PTPRQ: variants seen among roughly 807,000 people sequenced by gnomAD.
PTPRQ encodes phosphatidylinositol phosphatase PTPRQ.
Under a neutral mutation model 246.0 loss-of-function variants are expected in PTPRQ, and 199 were observed. That is an observed-to-expected ratio of 0.81 (90% CI 0.72 to 0.91). The LOEUF is 0.91. Among genes scored for constraint, PTPRQ ranks in the 40% least tolerant of loss-of-function variants. The pLI is 0.00. For missense variants in PTPRQ, 2,624 were observed against 2,528.4 expected (o/e 1.04, Z -0.81); for synonymous variants, 869 against 853.2 (o/e 1.02, Z -0.32).
intron 35 of PTPRQ, among the ~76,000 whole-genome samples, chr12:80,645,653 G>T (rs1042038420): frequency 7.9e-5 from 12 of 151,782 alleles, no homozygotes; most frequent in African/African-American, 2.4e-4. Flanking sequence ...AAGATGATTT[G>T]TCCTTGGAAA....
At position 80,679,180 on chromosome 12, in the gene PTPRQ, T is replaced by A; in HGVS notation, c.*157T>A. 1 of 767,282 alleles carries A rather than the reference T, an allele frequency of 1.3e-6. No homozygotes were observed. Among genetic ancestry groups the A allele is most frequent in the Non-Finnish European group, 1.9e-6 (1 of 525,274 alleles). The allele number at this position is 767,282 out of a possible 1,614,324, so 47.5% of individuals were successfully genotyped here. A position where few individuals can be genotyped will look rare whatever the true frequency, so the allele number is the denominator to read the frequency against. On this transcript the variant is annotated 3_prime_UTR_variant, in exon 45 of 45. Coordinates refer to ENST00000644991, the MANE Select transcript of PTPRQ (RefSeq NM_001145026.2). ...ACGGATTGAACATTTTAAGACTAGT[T>A]CTTGAAAATAGCTAATACAGAATAA... is the stretch of plus-strand genomic sequence containing the variant.
rs781441878 is a variant in PTPRQ, at chr12:80,620,141, T to C, written c.5390-13T>C. The C allele has an allele frequency of 4.6e-6, 7 of 1,526,724 alleles. No individual in the cohort carries two copies. The highest frequency in any genetic ancestry group is 5.3e-6 in the Non-Finnish European group (6 of 1,137,504). 94.6% of individuals were successfully genotyped at this position (1,526,724 alleles called of 1,614,324 possible). ...TTACTTGGAATTATTGTTCTCTTTG[T>C]TTCTGAAAACAGCTCAGCATGATGG... On this transcript the variant is annotated splice_polypyrimidine_tract_variant and intron_variant, in intron 31 of 44. Transcript: ENST00000644991.
At chr12:80,554,447 G>A (rs1357819738) in intron 25 of PTPRQ, among the ~76,000 whole-genome samples, 2 of 152,072 alleles carry the variant, frequency 1.3e-5, no homozygotes, top group African/African-American at 4.8e-5. Flanking sequence ...GGTCTTTTGT[G>A]GAAGATAATT....
At chr12:80,473,947 C>T (rs899147966) in intron 8 of PTPRQ, among the ~76,000 whole-genome samples, 1 of 152,222 alleles carries the variant, frequency 6.6e-6, no homozygotes, top group Non-Finnish European at 1.5e-5. Context: ...CTCCTGGCAA[C>T]TGGTGGGTTC....
intron 30 of PTPRQ, among the ~76,000 whole-genome samples, chr12:80,617,476 A>G (rs1312007950): frequency 6.6e-6 from 1 of 151,500 alleles, no homozygotes; most frequent in Non-Finnish European, 1.5e-5. Flanking sequence ...TCACAAAATG[A>G]CTTCACAAAG....
chr12:80,573,885 T>C lies in PTPRQ; in HGVS notation c.4286-14244T>C, dbSNP rs531561421. Among the ~76,000 whole-genome samples the C allele has an allele frequency of 2.6e-5, 4 of 152,332 alleles. 1 individual carries two copies. Among genetic ancestry groups the C allele is most frequent in the African/African-American group, 9.6e-5 (4 of 41,588 alleles). ...ATGATTTTCTTGCTTCTAAATATTTTGCCATAAGGTTCTATGTATTAGTTC... is the reference window on the plus strand; with the variant it reads ...ATGATTTTCTTGCTTCTAAATATTTCGCCATAAGGTTCTATGTATTAGTTC... On this transcript the variant is annotated intron_variant, in intron 25 of 44. Coordinates refer to ENST00000644991, the MANE Select transcript of PTPRQ (RefSeq NM_001145026.2).
intron 17 of PTPRQ, among the ~76,000 whole-genome samples, chr12:80,517,683 T>A: frequency 6.6e-6 from 1 of 151,026 alleles, no homozygotes; most frequent in Admixed American, 6.6e-5. Context: ...CTGGTAACCA[T>A]GCTTCTACTC....
intron 39 of PTPRQ, among the ~76,000 whole-genome samples, chr12:80,666,285 G>A (rs1320294192): frequency 6.6e-6 from 1 of 151,996 alleles, no homozygotes; most frequent in Non-Finnish European, 1.5e-5. Flanking sequence ...TGAGCTTGGA[G>A]AACATTATGA....
intron 35 of PTPRQ, among the ~76,000 whole-genome samples, chr12:80,642,656 C>T (rs938724468): frequency 6.6e-6 from 1 of 152,004 alleles, no homozygotes; most frequent in Non-Finnish European, 1.5e-5. Context: ...CGCGGTGGCT[C>T]ACGCCTGTAA....
At chr12:80,563,711 C>G (rs968536765) in intron 25 of PTPRQ, among the ~76,000 whole-genome samples, 2 of 152,132 alleles carry the variant, frequency 1.3e-5, no homozygotes, top group African/African-American at 4.8e-5. Flanking sequence ...TAAGTCTCCA[C>G]TGGGATCACC....
intron 8 of PTPRQ, among the ~76,000 whole-genome samples, chr12:80,483,693 TCATCTACATTAGGTA>T (rs11272985): frequency 0.066 from 9,997 of 151,850 alleles, 841 homozygotes; most frequent in African/African-American, 0.19. Flanking sequence ...CATCAAAGTG[TCATCTACATTAGGTA>T]CTTCTCCTAA....
intron 39 of PTPRQ, among the ~76,000 whole-genome samples, chr12:80,664,268 C>T (rs1900719089): frequency 6.6e-6 from 1 of 152,000 alleles, no homozygotes; most frequent in African/African-American, 2.4e-5. Context: ...ACACTATATT[C>T]CTCATTTTCA....
chr12:80,623,528 C>T (rs1366355956), intron 33 of PTPRQ, among the ~76,000 whole-genome samples: 1 of 152,066 alleles, frequency 6.6e-6, no homozygotes, highest in Non-Finnish European at 1.5e-5. Context: ...AAATAAATGT[C>T]TTCTTGTCAT....
chr12:80,560,801 C>T (rs369224879), intron 25 of PTPRQ, among the ~76,000 whole-genome samples: 6 of 151,946 alleles, frequency 3.9e-5, no homozygotes, highest in African/African-American at 1.5e-4. Context: ...TATAGGATAC[C>T]CTGTTTATTG....
chr12:80,581,247 A>G (rs192900962), intron 25 of PTPRQ, among the ~76,000 whole-genome samples: 2 of 152,308 alleles, frequency 1.3e-5, no homozygotes, highest in East Asian at 3.9e-4. Context: ...TAGTAGATCT[A>G]AAAAAGAATA....
In PTPRQ at chr12:80,472,121, C is replaced by G. The variant is rs1034488018; in HGVS notation, c.1056C>G (p.Asn352Lys). Reference protein sequence around the residue: ...LYGPSGRILDNSTKDLKFAFT... With the variant: ...LYGPSGRILDKSTKDLKFAFT... Reference sequence around the variant, plus strand: ...TTTTTGCAGGTCGCATTTTGGATAACAGCACAAAAGACCTCAAGTTTGCAT... The same window carrying G: ...TTTTTGCAGGTCGCATTTTGGATAAGAGCACAAAAGACCTCAAGTTTGCAT... Residue 352 changes from asparagine to lysine, a missense_variant, in exon 8 of 45, where the codon AAC (asparagine) becomes AAG (lysine). Asn to Lys is a moderately conservative substitution (Grantham distance 94). Transcript: ENST00000644991. The G allele has an allele frequency of 1.2e-5, 19 of 1,550,904 alleles. No individual in the cohort carries two copies. Among genetic ancestry groups the G allele is most frequent in the Admixed American group, 2.0e-5 (1 of 50,826 alleles).
Position 80,619,494 on chromosome 12 carries a change from G to T in PTPRQ, c.5341G>T (p.Asp1781Tyr). ...AATGCCAATATGTTACTACAGTGAT[G>T]ATCATGGACCAATAAAAAATGTACA... ...IRMPICYYSD[D>Y]HGPIKNVQVL... is the part of the protein sequence containing the mutation. Residue 1781 changes from aspartate (D) to tyrosine (Y), a missense_variant, in exon 31 of 45, where the codon GAT becomes TAT. Asp to Tyr is a radical substitution (Grantham distance 160, BLOSUM62 -3). Transcript: ENST00000644991. The T allele has an allele frequency of 1.3e-6, 2 of 1,544,018 alleles. No individual in the cohort carries two copies. The highest frequency in any genetic ancestry group is 2.8e-5 in the African/African-American group (2 of 72,686).
rs79029040 is a variant in PTPRQ at position 80,457,610 on chromosome 12, T to C, written c.426T>C (p.Phe142=). 513 of 400,330 alleles carry C rather than the reference T, an allele frequency of 1.3e-3. 1 individual carries two copies. The highest frequency in any genetic ancestry group is 9.6e-3 in the African/African-American group (470 of 48,808). 24.8% of individuals were successfully genotyped at this position (400,330 alleles called of 1,614,324 possible). A position where few individuals can be genotyped will look rare whatever the true frequency, so the allele number is the denominator to read the frequency against. ...AAAACAGTGCTGGCATTGGAGTGTT[T>C]AGTGATCCATTTCTCTTCCAAACTG... is the stretch of plus-strand genomic sequence containing the variant. ...AAENSAGIGV[F]SDPFLFQTAE... The change falls in exon 4 of 45, where the codon TTT becomes TTC. Residue 142 remains phenylalanine (F), a synonymous_variant. Transcript: ENST00000644991.
intron 30 of PTPRQ, among the ~76,000 whole-genome samples, chr12:80,616,956 A>T (rs1172732987): frequency 6.6e-6 from 1 of 151,046 alleles, no homozygotes; most frequent in Non-Finnish European, 1.5e-5. Flanking sequence ...AATGTGTAAT[A>T]AAACCTTCAG....
Sources: allele counts gnomAD v4.1 joint callset (sites outside exome capture counted in the v4.1 genomes callset), GRCh38; gene constraint gnomAD v4.1.1; transcripts MANE v1.5; gene names NCBI Gene and HGNC (gene_info 2026-07-23, HGNC 2026-07-21).